FOXP1: variants seen among roughly 807,000 people sequenced by gnomAD.
FOXP1 encodes forkhead box P1, also known as forkhead box protein P1.
In FOXP1, 15 loss-of-function variants were observed where a neutral mutation model predicts 98.2. The observed-to-expected ratio is 0.15, with a 90% CI of 0.10 to 0.24. The LOEUF is 0.24. Ranked by LOEUF, FOXP1 falls within the 10% of genes least tolerant of loss-of-function variation. The pLI is 1.00. For synonymous variants in FOXP1, 371 were observed against 314.5 expected (o/e 1.18, Z -1.90); for missense variants, 633 against 848.5 (o/e 0.75, Z 3.15).
intron 3 of FOXP1, among the ~76,000 whole-genome samples, chr3:71,452,449 C>A (rs1239283146): frequency 1.3e-5 from 2 of 152,160 alleles, no homozygotes; most frequent in Non-Finnish European, 2.9e-5. Context: ...ACTCAAAGAG[C>A]CAGCAAGGCA....
rs1560424349 is a variant in FOXP1 at position 71,396,962 on chromosome 3, A to ATACACATATATATGTG, written c.-167-37719_-167-37718insCACATATATATGTGTA. ...CATATATATATGTGTATATATATAT[A>ATACACATATATATGTG]TGTGTGTATATATATATATGTGTAT... On this transcript the variant is annotated intron_variant, in intron 3 of 20. Coordinates refer to ENST00000649528, the MANE Select transcript of FOXP1 (RefSeq NM_001349338.3). Among the ~76,000 whole-genome samples, 7 of 24,754 alleles carry ATACACATATATATGTG rather than the reference A, an allele frequency of 2.8e-4. 1 individual carries two copies. Among genetic ancestry groups the ATACACATATATATGTG allele is most frequent in the Non-Finnish European group, 5.6e-4 (5 of 8,900 alleles). The allele number at this position is 24,754 out of a possible 152,430, so 16.2% of individuals were successfully genotyped here. A position where few individuals can be genotyped will look rare whatever the true frequency, so the allele number is the denominator to read the frequency against.
At chr3:71,170,178 T>C (rs1215499631) in intron 6 of FOXP1, among the ~76,000 whole-genome samples, 1 of 152,208 alleles carries the variant, frequency 6.6e-6, no homozygotes, top group Admixed American at 6.5e-5. Context: ...TTCAAGGCCA[T>C]ATGTCTGTGT....
intron 6 of FOXP1, among the ~76,000 whole-genome samples, chr3:71,135,255 C>CAAAA (rs11285510): frequency 3.9e-5 from 3 of 76,338 alleles, no homozygotes; most frequent in Non-Finnish European, 5.0e-5. Flanking sequence ...GCCTCCGTCT[C>CAAAA]AAAAAAAAAA....
At chr3:71,070,120 C>G (rs1208455298) in intron 7 of FOXP1, among the ~76,000 whole-genome samples, 1 of 152,090 alleles carries the variant, frequency 6.6e-6, no homozygotes, top group Non-Finnish European at 1.5e-5. Context: ...TAAAGCCAGA[C>G]AGAGAAAGGA....
chr3:71,151,442 C>T (rs1371825895), intron 6 of FOXP1, among the ~76,000 whole-genome samples: 1 of 152,150 alleles, frequency 6.6e-6, no homozygotes, highest in African/African-American at 2.4e-5. Flanking sequence ...ATTCTGAATG[C>T]TGCTCATCTG....
intron 2 of FOXP1, among the ~76,000 whole-genome samples, chr3:71,543,255 T>C (rs2045030716): frequency 6.6e-6 from 1 of 152,206 alleles, no homozygotes; most frequent in African/African-American, 2.4e-5. Flanking sequence ...TTAGTTAACA[T>C]CCACTTGCTT....
intron 14 of FOXP1, among the ~76,000 whole-genome samples, chr3:70,978,784 A>C (rs1471842003): frequency 6.6e-6 from 1 of 152,116 alleles, no homozygotes; most frequent in Non-Finnish European, 1.5e-5. Context: ...ATTATGAATA[A>C]CCTTTATTAA....
chr3:71,019,567 C>T (rs2045082224), intron 11 of FOXP1, among the ~76,000 whole-genome samples: 1 of 152,082 alleles, frequency 6.6e-6, no homozygotes, highest in Non-Finnish European at 1.5e-5. Flanking sequence ...CGGTGGCTCA[C>T]GCCTGTAATT....
chr3:71,338,020 G>T lies in FOXP1; in HGVS notation c.-73+21130C>A, dbSNP rs372391253. 3.3e-5 allele frequency among the ~76,000 whole-genome samples: 5 copies of T among 152,300 alleles called. No homozygotes were observed. In the East Asian group the frequency reaches 7.7e-4, roughly 23 times the overall value. ...CCTCTGTACTGCTGCTGAGCTCATAGTAAGTATTAAGGAGGAATTTCCTCT... is the reference window on the plus strand; with the variant it reads ...CCTCTGTACTGCTGCTGAGCTCATATTAAGTATTAAGGAGGAATTTCCTCT... On this transcript the variant is annotated intron_variant, in intron 4 of 20. Transcript: ENST00000649528.
intron 20 of FOXP1, among the ~76,000 whole-genome samples, chr3:70,961,180 T>C (rs867259995): frequency 6.6e-6 from 1 of 152,144 alleles, no homozygotes; most frequent in Non-Finnish European, 1.5e-5. Context: ...AAACAAAATG[T>C]AGCAAAGTTG....
intron 3 of FOXP1, among the ~76,000 whole-genome samples, chr3:71,424,826 A>G (rs1015519918): frequency 5.9e-5 from 9 of 152,160 alleles, no homozygotes; most frequent in East Asian, 1.9e-4. Context: ...CAAGAATCCA[A>G]TGTTCCCATT....
chr3:71,033,660 A>G (rs1041729799), intron 11 of FOXP1, among the ~76,000 whole-genome samples: 2 of 151,162 alleles, frequency 1.3e-5, no homozygotes, highest in African/African-American at 4.9e-5. Context: ...TGGCATGCCA[A>G]TATTTTAAAG....
chr3:71,040,780 C>G (rs938198513), intron 11 of FOXP1, among the ~76,000 whole-genome samples: 8 of 152,128 alleles, frequency 5.3e-5, no homozygotes, highest in African/African-American at 1.9e-4. Context: ...CTCCACCAGC[C>G]ACCACCACCA....
At chr3:71,180,329 T>C (rs1194154825) in intron 6 of FOXP1, among the ~76,000 whole-genome samples, 1 of 152,108 alleles carries the variant, frequency 6.6e-6, no homozygotes, top group Non-Finnish European at 1.5e-5. Flanking sequence ...TTATATGTAG[T>C]ATATAATTAT....
intron 4 of FOXP1, among the ~76,000 whole-genome samples, chr3:71,335,682 A>C (rs1464294380): frequency 6.6e-6 from 1 of 152,120 alleles, no homozygotes; most frequent in African/African-American, 2.4e-5. Flanking sequence ...GTTTCTAGAT[A>C]AATGGTTGAT....
At chr3:71,157,291 A>T (rs1949954637) in intron 6 of FOXP1, among the ~76,000 whole-genome samples, 1 of 152,176 alleles carries the variant, frequency 6.6e-6, no homozygotes, top group Admixed American at 6.5e-5. Flanking sequence ...ATAACACAGA[A>T]AGGACTTCTC....
chr3:71,263,899 G>C (rs994493884), intron 5 of FOXP1, among the ~76,000 whole-genome samples: 2 of 151,428 alleles, frequency 1.3e-5, no homozygotes, highest in Admixed American at 6.6e-5. Flanking sequence ...CACATGCCAC[G>C]ACTCCCAGCT....
chr3:71,529,378 A>C (rs1445675918), intron 2 of FOXP1, among the ~76,000 whole-genome samples: 1 of 152,222 alleles, frequency 6.6e-6, no homozygotes, highest in African/African-American at 2.4e-5. Flanking sequence ...TGACATAATA[A>C]GAAATAAATA....
intron 3 of FOXP1, among the ~76,000 whole-genome samples, chr3:71,455,599 C>A (rs1197104978): frequency 6.6e-6 from 1 of 152,058 alleles, no homozygotes; most frequent in African/African-American, 2.4e-5. Context: ...CTAATTGCAA[C>A]CTGCGAGAGA....
Sources: gnomAD v4.1 joint callset for allele counts (sites outside exome capture counted in the v4.1 genomes callset) on GRCh38, gnomAD v4.1.1 for gene constraint, MANE v1.5 for transcripts, NCBI Gene and HGNC (gene_info 2026-07-23, HGNC 2026-07-21) for gene names.